Variants in GRM1 observed in about 807,000 individuals in gnomAD.
GRM1 encodes the protein glutamate metabotropic receptor 1, also known as metabotropic glutamate receptor 1.
GRM1 carries 33 observed loss-of-function variants against 90.9 expected under a neutral mutation model. The observed-to-expected ratio is 0.36, with a 90% CI of 0.28 to 0.49. The LOEUF is 0.49. GRM1 is among the 20% of genes least tolerant of loss of function. GRM1 has a pLI of 0.99. For missense variants in GRM1, 1,190 were observed against 1,534.3 expected, an observed-to-expected ratio of 0.78 and a Z score of 3.75; for synonymous variants, 700 against 613.2, an observed-to-expected ratio of 1.14 and a Z score of -2.09.
rs1790814330 is a variant in GRM1, at chr6:146,034,494, T to C, written c.700+4277T>C. Among the ~76,000 whole-genome samples the C allele has an allele frequency of 2.0e-5, 3 of 151,964 alleles. No homozygotes were observed. The South Asian group carries it at 6.2e-4, about 31-fold the overall frequency. On this transcript the variant is annotated intron_variant, in intron 1 of 7. Coordinates refer to ENST00000282753, the MANE Select transcript of GRM1 (RefSeq NM_001278064.2). ...TGAACAGTTATTAATTTTGTTACTG[T>C]TACCATTAGATTCAAGAGGAGGACT...
At chr6:146,142,769 TG>T in intron 1 of GRM1, among the ~76,000 whole-genome samples, 1 of 152,188 alleles carries the variant, frequency 6.6e-6, no homozygotes, top group Non-Finnish European at 1.5e-5. Flanking sequence ...CTGTCAGGCC[TG>T]AGACTTACCC....
chr6:146,185,507 C>T (rs1422409865), intron 2 of GRM1, among the ~76,000 whole-genome samples: 1 of 152,204 alleles, frequency 6.6e-6, no homozygotes. Flanking sequence ...GTAGGCATCT[C>T]TGAAAAACTG....
At chr6:146,246,043 A>C (rs373044429) in intron 2 of GRM1, among the ~76,000 whole-genome samples, 89 of 152,344 alleles carry the variant, frequency 5.8e-4, no homozygotes, top group Non-Finnish European at 9.8e-4. Context: ...AATGATGCTT[A>C]TAAATTTTAA....
chr6:146,136,133 A>T (rs1220613541), intron 1 of GRM1, among the ~76,000 whole-genome samples: 1 of 152,216 alleles, frequency 6.6e-6, no homozygotes, highest in Non-Finnish European at 1.5e-5. Context: ...ATGGCTGAAC[A>T]GTACTTCATT....
chr6:146,124,386 A>C (rs1326864949), intron 1 of GRM1, among the ~76,000 whole-genome samples: 1 of 152,186 alleles, frequency 6.6e-6, no homozygotes, highest in Non-Finnish European at 1.5e-5. Context: ...AAATGTTTGC[A>C]CTGATTTTGG....
intron 2 of GRM1, among the ~76,000 whole-genome samples, chr6:146,195,631 A>G (rs1363990846): frequency 1.3e-5 from 2 of 152,228 alleles, no homozygotes; most frequent in African/African-American, 2.4e-5. Context: ...TGCAAACTAA[A>G]TTCTCTAATA....
chr6:146,364,346 G>C (rs1775599414), intron 5 of GRM1, among the ~76,000 whole-genome samples: 1 of 152,152 alleles, frequency 6.6e-6, no homozygotes, highest in Non-Finnish European at 1.5e-5. Flanking sequence ...GATAGCAAGA[G>C]AATTGTTTAG....
chr6:146,045,944 C>A (rs1266915373), intron 1 of GRM1, among the ~76,000 whole-genome samples: 1 of 151,550 alleles, frequency 6.6e-6, no homozygotes, highest in Admixed American at 6.6e-5. Context: ...TATCTAGTAC[C>A]CTCTCTTCCT....
At chr6:146,365,964 T>C (rs1324477364) in intron 5 of GRM1, among the ~76,000 whole-genome samples, 1 of 152,164 alleles carries the variant, frequency 6.6e-6, no homozygotes, top group Non-Finnish European at 1.5e-5. Context: ...TTCCCTTGCC[T>C]CATCTTGGTT....
chr6:146,375,776 G>A (rs1012632303), intron 5 of GRM1, among the ~76,000 whole-genome samples: 7 of 151,998 alleles, frequency 4.6e-5, no homozygotes, highest in African/African-American at 1.2e-4. Context: ...GTCTAACCAT[G>A]TCTTTATAGG....
chr6:146,338,854 A>G (rs1263603515), intron 3 of GRM1, among the ~76,000 whole-genome samples: 2 of 152,064 alleles, frequency 1.3e-5, no homozygotes, highest in Non-Finnish European at 2.9e-5. Flanking sequence ...ATCAATACCA[A>G]TGCTACTTAG....
intron 2 of GRM1, among the ~76,000 whole-genome samples, chr6:146,274,817 C>A (rs911956025): frequency 3.9e-5 from 6 of 152,104 alleles, no homozygotes; most frequent in African/African-American, 1.4e-4. Flanking sequence ...GCATCAGGAC[C>A]AAGATGTCAA....
intron 6 of GRM1, among the ~76,000 whole-genome samples, chr6:146,388,378 AT>A (rs1370472608): frequency 6.6e-6 from 1 of 152,000 alleles, no homozygotes; most frequent in Non-Finnish European, 1.5e-5. Context: ...ATGGTTGGAC[AT>A]TTTTTTACTT....
intron 6 of GRM1, among the ~76,000 whole-genome samples, chr6:146,398,011 T>A (rs1777028563): frequency 6.6e-6 from 1 of 152,236 alleles, no homozygotes; most frequent in African/African-American, 2.4e-5. Flanking sequence ...TCTCTCACTC[T>A]GAAATACAAA....
rs1790631854 is a variant in GRM1 at position 146,029,474 on chromosome 6, C to T, written c.-44C>T. Reference sequence around the variant, plus strand: ...CGCCGGGAGCCTGCAGCGGGACCAGCGTGGGAACGCGGCTGGCAGGCTGTG... The same window carrying T: ...CGCCGGGAGCCTGCAGCGGGACCAGTGTGGGAACGCGGCTGGCAGGCTGTG... On this transcript the variant is annotated 5_prime_UTR_variant, in exon 1 of 8. Transcript: ENST00000282753. 6.7e-7 allele frequency: 1 copy of T among 1,481,648 alleles called. No individual in the cohort carries two copies. Among genetic ancestry groups the T allele is most frequent in the Non-Finnish European group, 9.4e-7 (1 of 1,059,522 alleles). The allele number at this position is 1,481,648 out of a possible 1,614,324, so 91.8% of individuals were successfully genotyped here.
chr6:146,164,074 A>C (rs970272716), intron 2 of GRM1, among the ~76,000 whole-genome samples: 3 of 135,406 alleles, frequency 2.2e-5, no homozygotes, highest in Non-Finnish European at 4.5e-5. Context: ...ATCTGTTCTA[A>C]TTCTTAAATT....
intron 2 of GRM1, among the ~76,000 whole-genome samples, chr6:146,190,868 G>T (rs1778913975): frequency 6.6e-6 from 1 of 152,000 alleles, no homozygotes. Context: ...TCTTCACATT[G>T]CTATATCAAA....
At position 146,044,546 on chromosome 6, in the gene GRM1, T is replaced by C. The variant is rs1323581219; in HGVS notation, c.700+14329T>C. On this transcript the variant is annotated intron_variant, in intron 1 of 7. Transcript: ENST00000282753. ...GGATGAGAAAATGGAAGACACCCTA[T>C]GTCTCTTAAACCTGTTAATAAGGTG... Among the ~76,000 whole-genome samples the C allele has an allele frequency of 3.9e-5, 6 of 152,126 alleles. No individual in the cohort carries two copies. In the East Asian group the frequency reaches 7.8e-4, roughly 20 times the overall value.
intron 7 of GRM1, among the ~76,000 whole-genome samples, chr6:146,408,397 C>G (rs1303253629): frequency 2.6e-5 from 4 of 152,056 alleles, no homozygotes; most frequent in Non-Finnish European, 5.9e-5. Context: ...CTATGTGTTT[C>G]AGTTATAAAA....
Sources: allele counts gnomAD v4.1 joint callset (sites outside exome capture counted in the v4.1 genomes callset), GRCh38; gene constraint gnomAD v4.1.1; transcripts MANE v1.5; gene names NCBI Gene and HGNC (gene_info 2026-07-23, HGNC 2026-07-21).